The following INO80 variants were observed in gnomAD, a reference collection of about 807,000 sequenced individuals.
INO80 encodes the protein INO80 complex ATPase subunit.
INO80 carries 20 observed loss-of-function variants against 203.4 expected under a neutral mutation model. The ratio of observed to expected loss-of-function variants is 0.10; its 90% CI spans 0.07 to 0.14. INO80 has a LOEUF of 0.14. Among genes scored for constraint, INO80 ranks in the 10% least tolerant of loss-of-function variants. The pLI is 1.00. For synonymous variants in INO80, 726 were observed against 685.2 expected (o/e 1.06, Z -0.93); for missense variants, 1,419 against 1,914.4 (o/e 0.74, Z 4.83).
intron 27 of INO80, among the ~76,000 whole-genome samples, chr15:41,008,004 T>C (rs369813706): frequency 1.3e-5 from 2 of 152,020 alleles, no homozygotes. Context: ...CGAAACCCCA[T>C]CTCTACTGAA....
At chr15:40,987,740 T>C (rs1268553716) in intron 30 of INO80, 76 bp downstream of exon 30, 10 of 1,319,390 alleles carry the variant, frequency 7.6e-6, no homozygotes, top group South Asian at 5.6e-5. Flanking sequence ...AGTTTTAAAA[T>C]AGTCTCAATG....
intron 24 of INO80, among the ~76,000 whole-genome samples, chr15:41,035,821 CAAAAAAA>C (rs71104768): frequency 6.0e-4 from 12 of 20,152 alleles, no homozygotes; most frequent in African/African-American, 7.4e-4. Context: ...GACTCTGTCT[CAAAAAAA>C]AAAAAAAAAA....
At chr15:41,050,383 C>T (rs1267711408) in intron 19 of INO80, among the ~76,000 whole-genome samples, 2 of 152,198 alleles carry the variant, frequency 1.3e-5, no homozygotes, top group Non-Finnish European at 2.9e-5. Flanking sequence ...TACAAAAGTA[C>T]ATTCCCAAAC....
chr15:41,083,126 C>CA (rs947110087), intron 7 of INO80, among the ~76,000 whole-genome samples: 6 of 149,920 alleles, frequency 4.0e-5, no homozygotes, highest in Admixed American at 6.7e-5. Context: ...ACTAAAAATA[C>CA]AAAAAAAAAT....
chr15:41,070,386 A>T, intron 13 of INO80, 81 bp downstream of exon 13: 1 of 1,198,996 alleles, frequency 8.3e-7, no homozygotes, highest in Non-Finnish European at 1.2e-6. Context: ...AGCTTAACAT[A>T]GTGCTTTTAA....
intron 24 of INO80, among the ~76,000 whole-genome samples, chr15:41,030,286 G>C (rs1052172262): frequency 1.3e-5 from 2 of 152,136 alleles, no homozygotes; most frequent in Admixed American, 1.3e-4. Context: ...CACATTATTT[G>C]TTATTACCTT....
chr15:41,083,712 C>CAAAA (rs10706037), intron 7 of INO80, among the ~76,000 whole-genome samples: 3 of 85,614 alleles, frequency 3.5e-5, no homozygotes, highest in Admixed American at 2.7e-4. Flanking sequence ...GACTCCGTCT[C>CAAAA]AAAAAAAAAA....
At chr15:41,034,309 C>T (rs902517520) in intron 24 of INO80, among the ~76,000 whole-genome samples, 3 of 152,142 alleles carry the variant, frequency 2.0e-5, no homozygotes, top group African/African-American at 2.4e-5. Context: ...AAGAGAGCTT[C>T]TCACTGTTTG....
Position 41,053,954 on chromosome 15 carries a change from T to C in INO80, c.2249A>G (p.Asp750Gly). The C allele has an allele frequency of 1.2e-6, 2 of 1,613,880 alleles. No individual in the cohort carries two copies. The highest frequency in any genetic ancestry group is 1.7e-6 in the Non-Finnish European group (2 of 1,179,862). ...CTTGTCAGATAATTCATTTTCCACA[T>C]CTTTCTTGATTCTCCTCAGCATAAA... ...KPFMLRRIKK[D>G]VENELSDKIE... The change falls in exon 19 of 36, where the codon GAT (aspartate) becomes GGT (glycine). Residue 750 changes from aspartate (D) to glycine (G), a missense_variant. Physicochemically the swap from Asp to Gly is moderately conservative, Grantham distance 94 (BLOSUM62 -1). Transcript: ENST00000648947.
chr15:41,000,727 A>AAAAG lies in INO80; in HGVS notation c.3498-3130_3498-3127dup, dbSNP rs1306782845. 2.7e-4 allele frequency among the ~76,000 whole-genome samples: 40 copies of AAAAG among 150,314 alleles called. 1 individual carries two copies. In the East Asian group the frequency reaches 3.2e-3, roughly 12 times the overall value. ...GTCTCAAAAAAAAAAAAAAAAAAAA[A>AAAAG]AAAGAAAGAAAAGAAAAGAGAAAGA... On this transcript the variant is annotated intron_variant, in intron 28 of 35. Coordinates refer to ENST00000648947, the MANE Select transcript of INO80 (RefSeq NM_017553.3).
At chr15:41,055,150 T>C (rs972117944) in intron 18 of INO80, 97 bp downstream of exon 18, 8 of 665,792 alleles carry the variant, frequency 1.2e-5, no homozygotes, top group African/African-American at 7.3e-5. Flanking sequence ...TGTCTATGTA[T>C]ACTGGAAGAA....
At chr15:41,098,583 A>G (rs956423786) in intron 1 of INO80, among the ~76,000 whole-genome samples, 2 of 152,016 alleles carry the variant, frequency 1.3e-5, no homozygotes, top group African/African-American at 4.8e-5. Context: ...CTGAAGTGGG[A>G]GGATCACTTA....
chr15:41,053,229 C>A (rs1205234072), intron 19 of INO80, among the ~76,000 whole-genome samples: 2 of 152,122 alleles, frequency 1.3e-5, no homozygotes, highest in African/African-American at 4.8e-5. Flanking sequence ...CCTCAGCCTC[C>A]CGAGTAACTG....
chr15:40,983,045 G>A lies in INO80; in HGVS notation c.4270C>T (p.Arg1424Cys), dbSNP rs199765195. 1.3e-5 allele frequency: 21 copies of A among 1,613,674 alleles called. No homozygotes were observed. Among genetic ancestry groups the A allele is most frequent in the South Asian group, 7.7e-5 (7 of 91,072 alleles). Reference sequence around the variant, plus strand: ...CCTCGGCTTCGGGCTGAGTGACCACGTCCTGCAGCTGGCATTTCCTGAATG... The same window carrying A: ...CCTCGGCTTCGGGCTGAGTGACCACATCCTGCAGCTGGCATTTCCTGAATG... ...ISIQEMPAAG[R>C]GHSARSRGRP... is the part of the protein sequence containing the mutation. The change falls in exon 35 of 36, where the codon CGT becomes TGT. Residue 1424 changes from arginine to cysteine, a missense_variant. Physicochemically the swap from Arg to Cys is radical, Grantham distance 180. Transcript: ENST00000648947.
intron 26 of INO80, among the ~76,000 whole-genome samples, chr15:41,020,665 C>CTT (rs777336656): frequency 3.6e-4 from 53 of 149,278 alleles, no homozygotes; most frequent in Admixed American, 1.3e-3. Flanking sequence ...AGTGGCATTT[C>CTT]TTTCTCAGCT....
At position 41,045,009 on chromosome 15, in the gene INO80, C is replaced by A. The variant is rs147716164; in HGVS notation, c.2802G>T (p.Ala934=). ...ATCTCTGGTGGCTCTCCCCTTCTGGCGCTCCCCAGGAGCGTAGCTGATGGA... is the reference window on the plus strand; with the variant it reads ...ATCTCTGGTGGCTCTCCCCTTCTGGAGCTCCCCAGGAGCGTAGCTGATGGA... ...YRLHQLRSWG[A]PEGESHQRYL... is the part of the protein sequence containing the mutation. The change falls in exon 24 of 36, where the codon GCG becomes GCT. Residue 934 remains alanine (A), a synonymous_variant. Transcript: ENST00000648947. The A allele has an allele frequency of 2.5e-6, 4 of 1,613,804 alleles. No individual in the cohort carries two copies. The highest frequency in any genetic ancestry group is 3.4e-6 in the Non-Finnish European group (4 of 1,179,930).
intron 24 of INO80, among the ~76,000 whole-genome samples, chr15:41,042,080 C>A (rs1418955169): frequency 6.7e-6 from 1 of 149,300 alleles, no homozygotes; most frequent in Non-Finnish European, 1.5e-5. Context: ...GGTGCATGAT[C>A]TCAGCTCACT....
At chr15:40,992,981 G>C (rs2043835421) in intron 29 of INO80, among the ~76,000 whole-genome samples, 1 of 152,148 alleles carries the variant, frequency 6.6e-6, no homozygotes, top group African/African-American at 2.4e-5. Context: ...TTTTTGTACA[G>C]ATGGGGTCTT....
chr15:41,083,893 T>C (rs1014403702), intron 7 of INO80, among the ~76,000 whole-genome samples: 4 of 152,156 alleles, frequency 2.6e-5, no homozygotes, highest in Non-Finnish European at 4.4e-5. Flanking sequence ...TCTATTTGCC[T>C]ATTCATGTGC....
Sources: gnomAD v4.1 joint callset for allele counts (sites outside exome capture counted in the v4.1 genomes callset) on GRCh38, gnomAD v4.1.1 for gene constraint, MANE v1.5 for transcripts, NCBI Gene and HGNC (gene_info 2026-07-23, HGNC 2026-07-21) for gene names.